Variants in ATP2B2 observed in about 807,000 individuals in gnomAD.
ATP2B2 encodes plasma membrane calcium-transporting ATPase 2.
Under a neutral mutation model 120.0 loss-of-function variants are expected in ATP2B2, and 15 were observed. That is an observed-to-expected ratio of 0.12 (90% confidence interval 0.08 to 0.19). The LOEUF (loss-of-function observed/expected upper bound fraction) is 0.19. Ranked by LOEUF, ATP2B2 falls within the 10% of genes least tolerant of loss-of-function variation. The pLI, the probability that ATP2B2 is intolerant of heterozygous loss-of-function variation, is 1.00. For missense variants in ATP2B2, 1,045 were observed against 1,719.8 expected, an observed-to-expected ratio of 0.61 and a Z score of 6.94; for synonymous variants, 694 against 700.3, an observed-to-expected ratio of 0.99 and a Z score of 0.14.
At chr3:10,526,709 G>A (rs551757372) in intron 3 of ATP2B2, among the ~76,000 whole-genome samples, 3 of 152,280 alleles carry the variant, frequency 2.0e-5, no homozygotes, top group East Asian at 1.9e-4. Context: ...GAGGGGGTGT[G>A]GGGAGTGGAA....
intron 2 of ATP2B2, among the ~76,000 whole-genome samples, chr3:10,424,892 G>T (rs1045874599): frequency 6.6e-6 from 1 of 152,196 alleles, no homozygotes; most frequent in South Asian, 2.1e-4. Flanking sequence ...TGTAGCAAGA[G>T]GTCTGTAAGG....
intron 1 of ATP2B2, among the ~76,000 whole-genome samples, chr3:10,622,137 CCCTGGGCCCA>C (rs2069569635): frequency 6.6e-6 from 1 of 152,160 alleles, no homozygotes; most frequent in Non-Finnish European, 1.5e-5. Context: ...CCCTAGGCTC[CCCTGGGCCCA>C]CCTGCTCCCT....
rs71055823 is a variant in ATP2B2 at position 10,577,051 on chromosome 3, CAAA to C, written c.-415+42863_-415+42865del. Among the ~76,000 whole-genome samples the C allele has an allele frequency of 6.1e-3, 663 of 109,328 alleles. 2 individuals are homozygous for C. Among genetic ancestry groups the C allele is most frequent in the African/African-American group, 0.013 (378 of 28,096 alleles). The allele number at this position is 109,328 out of a possible 152,430, so 71.7% of individuals were successfully genotyped here. ...TGGGTGACAGAGTGAGACTCTGTGT[CAAA>C]AAAAAAAAAAAAAAAAAAAGAAGCT... On this transcript the variant is annotated intron_variant, in intron 2 of 21. Transcript: ENST00000646379.
At chr3:10,446,669 T>C (rs2063846791) in intron 2 of ATP2B2, among the ~76,000 whole-genome samples, 2 of 152,104 alleles carry the variant, frequency 1.3e-5, no homozygotes, top group South Asian at 4.2e-4. Context: ...CCCAGCCCCC[T>C]GGGAGATGCT....
chr3:10,690,287 T>C (rs913329698), intron 1 of ATP2B2, among the ~76,000 whole-genome samples: 3 of 152,318 alleles, frequency 2.0e-5, no homozygotes, highest in East Asian at 1.9e-4. Context: ...CGGGCAGCCA[T>C]TGCTGCAGAA....
intron 2 of ATP2B2, among the ~76,000 whole-genome samples, chr3:10,564,464 T>C (rs968922347): frequency 1.3e-5 from 2 of 152,198 alleles, no homozygotes; most frequent in Admixed American, 6.5e-5. Flanking sequence ...GGCATGCTCC[T>C]TGCCAGAATT....
Position 10,347,071 on chromosome 3 carries a change from G to A in ATP2B2, c.2405-934C>T, listed in dbSNP as rs1313498476. On this transcript the variant is annotated intron_variant, in intron 16 of 22. Transcript: ENST00000360273. This position sits in a 1 kb window ranked among gnomAD's most constrained non-coding sequence, Gnocchi z 5.2. ...CAGTTCCGTCCCCCAGCCATCCCCG[G>A]AATGTCGTTTTCCTGCTTCCCCCCT... is the stretch of plus-strand genomic sequence containing the variant. 6.6e-6 allele frequency among the ~76,000 whole-genome samples: 1 copy of A among 152,056 alleles called. No homozygotes were observed.
At chr3:10,551,909 G>C (rs914474553) in intron 2 of ATP2B2, among the ~76,000 whole-genome samples, 1 of 152,198 alleles carries the variant, frequency 6.6e-6, no homozygotes, top group South Asian at 2.1e-4. Context: ...AGCTCCCTAG[G>C]GCCCTCAGCA....
At position 10,388,188 on chromosome 3, in the gene ATP2B2, A is replaced by T. The variant is rs1158249653; in HGVS notation, c.907+89T>A. ...CAGGGTGCGGACGTAGAAGGCACTC[A>T]ATAACTATTTTGTTGAGTGAACAAA... On this transcript the variant is annotated intron_variant, in intron 6 of 22. Transcript: ENST00000360273. The T allele has an allele frequency of 1.9e-6, 3 of 1,596,260 alleles. No homozygotes were observed. The African/African-American group carries it at 4.0e-5, about 21-fold the overall frequency.
chr3:10,522,180 C>T (rs943540975), intron 3 of ATP2B2, among the ~76,000 whole-genome samples: 2 of 152,138 alleles, frequency 1.3e-5, no homozygotes, highest in African/African-American at 2.4e-5. Context: ...GTGCAGTGTC[C>T]ACCCTCCAGC....
intron 1 of ATP2B2, among the ~76,000 whole-genome samples, chr3:10,629,617 G>A (rs190926141): frequency 4.6e-5 from 7 of 152,256 alleles, no homozygotes; most frequent in Non-Finnish European, 7.4e-5. Flanking sequence ...GCAGGTGGAG[G>A]GTCCCACAGC....
intron 1 of ATP2B2, among the ~76,000 whole-genome samples, chr3:10,479,776 G>T (rs1382648551): frequency 2.6e-5 from 4 of 152,144 alleles, no homozygotes; most frequent in African/African-American, 9.7e-5. Context: ...GAGAGAGGGA[G>T]GAAAGGCTAA....
chr3:10,648,456 G>C (rs984886963), intron 1 of ATP2B2, among the ~76,000 whole-genome samples: 1 of 152,140 alleles, frequency 6.6e-6, no homozygotes, highest in Non-Finnish European at 1.5e-5. Flanking sequence ...GCTGTTCCCT[G>C]ACTCTGCCAT....
chr3:10,602,944 CTTCTT>C (rs918670748), intron 2 of ATP2B2, among the ~76,000 whole-genome samples: 17 of 152,312 alleles, frequency 1.1e-4, no homozygotes, highest in East Asian at 3.9e-4. Context: ...ACTGAGCCTC[CTTCTT>C]TTCTTAACTT....
chr3:10,584,574 G>A (rs190746680), intron 2 of ATP2B2, among the ~76,000 whole-genome samples: 73 of 152,258 alleles, frequency 4.8e-4, no homozygotes, highest in Admixed American at 6.5e-4. Context: ...TGAGCTGCCC[G>A]CTCTTTCCAG....
At chr3:10,624,925 C>T (rs915278638) in intron 1 of ATP2B2, among the ~76,000 whole-genome samples, 5 of 152,160 alleles carry the variant, frequency 3.3e-5, no homozygotes, top group East Asian at 3.8e-4. Context: ...CAAAGATACC[C>T]GACCCCCACC....
intron 3 of ATP2B2, among the ~76,000 whole-genome samples, chr3:10,404,252 T>C (rs879796383): frequency 5.3e-5 from 8 of 152,238 alleles, no homozygotes; most frequent in Non-Finnish European, 7.3e-5. Context: ...AATGCCATCA[T>C]GTGGGGTTCC....
rs966369742 is a variant in ATP2B2, at chr3:10,697,777, C to T, written c.-460+10138G>A. Among the ~76,000 whole-genome samples the T allele has an allele frequency of 5.9e-5, 9 of 152,232 alleles. No individual in the cohort carries two copies. The South Asian group carries it at 6.2e-4, about 11-fold the overall frequency. ...TAAACCATCCCCTCAAATTGACAGG[C>T]GTGCAGCAAATCCTAAATCTCAGGG... On this transcript the variant is annotated intron_variant, in intron 1 of 21. Transcript: ENST00000646379.
At chr3:10,645,689 A>C (rs569185426) in intron 1 of ATP2B2, among the ~76,000 whole-genome samples, 2 of 152,232 alleles carry the variant, frequency 1.3e-5, no homozygotes, top group Non-Finnish European at 2.9e-5. Flanking sequence ...TTGAGTCTGC[A>C]TCTGTCTCCA....
Sources: allele counts gnomAD v4.1 joint callset (sites outside exome capture counted in the v4.1 genomes callset), GRCh38; gene constraint gnomAD v4.1.1; non-coding constraint Gnocchi (gnomAD v3.1); transcripts MANE v1.5; gene names NCBI Gene and HGNC (gene_info 2026-07-23, HGNC 2026-07-21).